The following SMARCA1 variants were observed in gnomAD, a reference collection of about 807,000 sequenced individuals.
SMARCA1 encodes the protein SWI/SNF-related matrix-associated actin-dependent regulator of chromatin subfamily A member 1.
A neutral mutation model predicts 93.6 loss-of-function variants in SMARCA1; 17 were observed. The ratio of observed to expected loss-of-function variants is 0.18; its 90% CI spans 0.12 to 0.27. The LOEUF is 0.27. Among genes scored for constraint, SMARCA1 ranks in the 10% least tolerant of loss-of-function variants. SMARCA1 has a pLI of 1.00. For missense variants in SMARCA1, 630 were observed against 819.0 expected (o/e 0.77, Z 2.82); for synonymous variants, 271 against 271.4 (o/e 1.00, Z 0.01).
intron 17 of SMARCA1, among the ~76,000 whole-genome samples, chrX:129,484,272 G>A (rs1015244810): frequency 3.6e-5 from 4 of 111,706 alleles, no homozygotes; most frequent in Non-Finnish European, 7.5e-5. Context: ...AGGAATAATT[G>A]TAAAATTAAT....
At chrX:129,483,056 A>G (rs898423154) in intron 17 of SMARCA1, among the ~76,000 whole-genome samples, 2 of 112,500 alleles carry the variant, frequency 1.8e-5, no homozygotes, top group African/African-American at 6.4e-5. Context: ...ATAGAAAAGA[A>G]CACAGTCCTT....
chrX:129,487,531 A>T (rs1034159149), intron 16 of SMARCA1, among the ~76,000 whole-genome samples: 8 of 112,665 alleles, frequency 7.1e-5, no homozygotes, highest in Non-Finnish European at 1.3e-4. Context: ...GCAGGTTATT[A>T]CCTGAACTAC....
intron 18 of SMARCA1, 124 bp downstream of exon 18, chrX:129,480,951 C>T: frequency 1.8e-6 from 1 of 549,796 alleles, no homozygotes; most frequent in Non-Finnish European, 2.9e-6. Flanking sequence ...AAATCAGATA[C>T]TTTTTTGTAC....
intron 5 of SMARCA1, among the ~76,000 whole-genome samples, chrX:129,514,655 T>C (rs1372537381): frequency 8.9e-6 from 1 of 111,785 alleles, no homozygotes; most frequent in Non-Finnish European, 1.9e-5. Flanking sequence ...GGAACATAAA[T>C]TAATGGCAAA....
chrX:129,481,230 A>G (rs780568208), intron 17 of SMARCA1, 45 bp from the exon 18 acceptor site: 1 of 821,738 alleles, frequency 1.2e-6, no homozygotes, highest in South Asian at 2.2e-5. Context: ...ACTCCAAACA[A>G]CAGTTTTATC....
chrX:129,514,143 G>A (rs923529579), intron 5 of SMARCA1, among the ~76,000 whole-genome samples: 9 of 112,091 alleles, frequency 8.0e-5, no homozygotes, highest in African/African-American at 2.6e-4. Flanking sequence ...GTGAAACCCC[G>A]TCTCTACTAA....
chrX:129,504,585 A>AAG, intron 9 of SMARCA1, 149 bp downstream of exon 9: 1 of 305,099 alleles, frequency 3.3e-6, no homozygotes, highest in Non-Finnish European at 5.9e-6. Flanking sequence ...AAAAAAACAA[A>AAG]GAGGCTGTCA....
chrX:129,469,977 T>A (rs973640146), intron 20 of SMARCA1, among the ~76,000 whole-genome samples: 1 of 111,904 alleles, frequency 8.9e-6, no homozygotes, highest in Non-Finnish European at 1.9e-5. Flanking sequence ...ATTTTCAAAC[T>A]AAACTTTATT....
Position 129,490,126 on chromosome X carries a change from C to T in SMARCA1, c.1882G>A (p.Val628Ile). Residue 628 changes from valine to isoleucine, a missense_variant, in exon 15 of 25, where the codon GTT (valine) becomes ATT (isoleucine). This residue lies in a region of SMARCA1 where 382 missense variants were observed against 537.9 expected (regional missense o/e 0.71). Coordinates refer to ENST00000371121, the MANE Select transcript of SMARCA1 (RefSeq NM_001282874.2). Reference sequence around the variant, plus strand: ...GCTCTTTCTACAATCCTCTCTTCAACAGTGTTGTCAGTGATGAGACGGAAT... The same window carrying T: ...GCTCTTTCTACAATCCTCTCTTCAATAGTGTTGTCAGTGATGAGACGGAAT... ...RVFRLITDNTVEERIVERAEI... is the reference protein window; with the variant it reads ...RVFRLITDNTIEERIVERAEI... The T allele has an allele frequency of 8.5e-7, 1 of 1,177,339 alleles. No homozygotes were observed. The highest frequency in any genetic ancestry group is 1.2e-6 in the Non-Finnish European group (1 of 864,635).
intron 1 of SMARCA1, among the ~76,000 whole-genome samples, chrX:129,522,361 C>A (rs1463835284): frequency 1.8e-5 from 2 of 110,119 alleles, no homozygotes; most frequent in African/African-American, 6.6e-5. Flanking sequence ...CCAGCAGCGC[C>A]CACTAGGAGA....
Position 129,506,119 on chromosome X carries a change from T to C in SMARCA1, c.1059A>G (p.Leu353=). ...AGACATCAGGCAATAAAAAGTTGAG[T>C]AAGGCCCACAGTTCATGCAGGTTAT... The part of the protein sequence containing the change: ...LQNNLHELWA[L]LNFLLPDVFN... The change falls in exon 8 of 25, where the codon TTA becomes TTG. Residue 353 remains leucine, a synonymous_variant. Transcript: ENST00000371121. 8.3e-7 allele frequency: 1 copy of C among 1,200,774 alleles called. No homozygotes were observed.
Position 129,508,061 on chromosome X carries a change from C to T in SMARCA1, c.846G>A (p.Glu282=). Residue 282 remains glutamate, a synonymous_variant, in exon 7 of 25, where the codon GAG becomes GAA. Transcript: ENST00000371121. ...CATAAGAAGTAACGCAAACATCCCA[C>T]TCTCCTGGCATCATTTCATCACGAA... ...AFIRDEMMPG[E]WDVCVTSYEM... The T allele has an allele frequency of 5.1e-6, 6 of 1,186,699 alleles. No homozygotes were observed. Among genetic ancestry groups the T allele is most frequent in the Non-Finnish European group, 6.8e-6 (6 of 879,677 alleles).
intron 1 of SMARCA1, among the ~76,000 whole-genome samples, chrX:129,522,338 G>T (rs2124361641): frequency 9.1e-6 from 1 of 110,301 alleles, no homozygotes; most frequent in Admixed American, 9.6e-5. Context: ...AAAAACCTGT[G>T]TGTGTCCAGG....
intron 8 of SMARCA1, 35 bp from the exon 9 acceptor site, chrX:129,504,837 A>T: frequency 1.1e-6 from 1 of 906,928 alleles, no homozygotes; most frequent in Non-Finnish European, 1.6e-6. Flanking sequence ...ATGAGTGCAC[A>T]GTTTTTTTAA....
intron 10 of SMARCA1, 49 bp downstream of exon 10, chrX:129,499,683 A>G (rs768409851): frequency 1.4e-6 from 1 of 693,124 alleles, no homozygotes; most frequent in Non-Finnish European, 2.2e-6. Flanking sequence ...GCTAATTTTT[A>G]GTAAATTCTT....
chrX:129,504,664 G>A, intron 9 of SMARCA1, 70 bp downstream of exon 9: 4 of 693,295 alleles, frequency 5.8e-6, no homozygotes, highest in Non-Finnish European at 4.4e-6. Flanking sequence ...AGATTCCATA[G>A]CATTTTGTTT....
chrX:129,505,586 C>T (rs1934778795), intron 8 of SMARCA1, among the ~76,000 whole-genome samples: 1 of 110,498 alleles, frequency 9.0e-6, no homozygotes, highest in Non-Finnish European at 1.9e-5. Flanking sequence ...GTTTGGTGTC[C>T]TAGCATAAAT....
At chrX:129,506,742 C>T (rs1602722752) in intron 7 of SMARCA1, among the ~76,000 whole-genome samples, 1 of 102,986 alleles carries the variant, frequency 9.7e-6, no homozygotes, top group Non-Finnish European at 2.0e-5. Flanking sequence ...CATATTTATA[C>T]CTGAGACCCT....
In SMARCA1 at chrX:129,498,066, G is replaced by A; in HGVS notation, c.1283C>T (p.Thr428Ile). 2 of 1,112,493 alleles carry A rather than the reference G, an allele frequency of 1.8e-6. No homozygotes were observed. Among genetic ancestry groups the A allele is most frequent in the Non-Finnish European group, 2.5e-6 (2 of 805,650 alleles). 91.7% of individuals were successfully genotyped at this position (1,112,493 alleles called of 1,213,427 possible). A position where few individuals can be genotyped will look rare whatever the true frequency, so the allele number is the denominator to read the frequency against. ...ATCAATATCTTTCATCAGGATTTTTGTATACCTAAAAATTTAAACTATAAT... is the reference window on the plus strand; with the variant it reads ...ATCAATATCTTTCATCAGGATTTTTATATACCTAAAAATTTAAACTATAAT... ...GLSKMQREWY[T>I]KILMKDIDVL... is the part of the protein sequence containing the mutation. Residue 428 changes from threonine (T) to isoleucine (I), a missense_variant, in exon 11 of 25, where the codon ACA becomes ATA. By Grantham distance (89) the Thr-to-Ile change is moderately conservative (BLOSUM62 -1). Around this residue, in one of 4 missense-constraint regions of SMARCA1, gnomAD observed 382 missense variants for 537.9 expected, o/e 0.71. Transcript: ENST00000371121.
Sources: gnomAD v4.1 joint callset for allele counts (sites outside exome capture counted in the v4.1 genomes callset) on GRCh38, gnomAD v4.1.1 for gene constraint, gnomAD v4.1.1 regional missense constraint, MANE v1.5 for transcripts, NCBI Gene and HGNC (gene_info 2026-07-23, HGNC 2026-07-21) for gene names.